GABPA: variants seen among roughly 807,000 people sequenced by gnomAD.
The protein encoded by GABPA is GA-binding protein alpha chain.
In GABPA, 4 loss-of-function variants were observed where a neutral mutation model predicts 59.4. The ratio of observed to expected loss-of-function variants is 0.07; its 90% CI spans 0.03 to 0.15. The LOEUF is 0.15. GABPA is among the 10% of genes least tolerant of loss of function. GABPA has a pLI of 1.00. For synonymous variants in GABPA, 164 were observed against 183.1 expected (o/e 0.90, Z 0.84); for missense variants, 251 against 543.8 (o/e 0.46, Z 5.36).
intron 1 of GABPA, among the ~76,000 whole-genome samples, chr21:25,738,236 C>G (rs2035131282): frequency 6.6e-6 from 1 of 152,200 alleles, no homozygotes; most frequent in African/African-American, 2.4e-5. Context: ...CCCCTGCCCC[C>G]AACACACACA....
intron 1 of GABPA, among the ~76,000 whole-genome samples, chr21:25,735,854 CG>C (rs2035035277): frequency 6.6e-6 from 1 of 152,054 alleles, no homozygotes; most frequent in Non-Finnish European, 1.5e-5. Flanking sequence ...CCGGACGGGT[CG>C]CCTGTCGCCG....
Position 25,752,243 on chromosome 21 carries a change from A to T in GABPA, c.553+9A>T. 1 of 1,613,034 alleles carries T rather than the reference A, an allele frequency of 6.2e-7. No homozygotes were observed. The highest frequency in any genetic ancestry group is 8.5e-7 in the Non-Finnish European group (1 of 1,179,350). ...CCTTGGGATACCCTATGGTAATAAAATGCATAATTCTATATTGGGTAGAAT... is the reference window on the plus strand; with the variant it reads ...CCTTGGGATACCCTATGGTAATAAATTGCATAATTCTATATTGGGTAGAAT... On this transcript the variant is annotated intron_variant, in intron 5 of 9. Transcript: ENST00000400075.
intron 6 of GABPA, among the ~76,000 whole-genome samples, chr21:25,761,348 A>C (rs188574423): frequency 1.8e-4 from 28 of 152,306 alleles, no homozygotes. Flanking sequence ...TATAGTCAGT[A>C]AGAGCTAAGA....
chr21:25,766,485 C>G (rs1352208963), intron 9 of GABPA, among the ~76,000 whole-genome samples: 1 of 151,954 alleles, frequency 6.6e-6, no homozygotes, highest in Non-Finnish European at 1.5e-5. Flanking sequence ...ACAGAAGTAT[C>G]TAGAATATCT....
Position 25,769,485 on chromosome 21 carries a change from T to C in GABPA, c.*253T>C. ...AAGGCAGGTTCATTGTGGAATAGTT[T>C]AACAGTCAGGAAGGCTAAACTGGTC... On this transcript the variant is annotated 3_prime_UTR_variant, in exon 10 of 10. Coordinates refer to ENST00000400075, the MANE Select transcript of GABPA (RefSeq NM_002040.4). The C allele has an allele frequency of 2.5e-6, 1 of 395,574 alleles. No individual in the cohort carries two copies. Among genetic ancestry groups the C allele is most frequent in the Non-Finnish European group, 4.6e-6 (1 of 215,688 alleles). The allele number at this position is 395,574 out of a possible 1,614,324, so 24.5% of individuals were successfully genotyped here. A position where few individuals can be genotyped will look rare whatever the true frequency, so the allele number is the denominator to read the frequency against.
rs185936311 is a variant in GABPA, at chr21:25,757,148, A to G, written c.554-862A>G. 5.1e-3 allele frequency among the ~76,000 whole-genome samples: 782 copies of G among 152,266 alleles called. 8 individuals are homozygous for G. Among genetic ancestry groups the G allele is most frequent in the African/African-American group, 0.018 (728 of 41,554 alleles). The stretch of plus-strand genomic sequence containing the variant: ...ATTGAATAGCATTTATTTATTGGGT[A>G]TATAACCAATATTATTTGAATAGAT... On this transcript the variant is annotated intron_variant, in intron 5 of 9. Coordinates refer to ENST00000400075, the MANE Select transcript of GABPA (RefSeq NM_002040.4).
At chr21:25,747,210 T>A (rs1233705280) in intron 3 of GABPA, among the ~76,000 whole-genome samples, 1 of 152,244 alleles carries the variant, frequency 6.6e-6, no homozygotes, top group African/African-American at 2.4e-5. Context: ...AAAACTTTTT[T>A]AAAGGTTTAT....
rs754641872 is a variant in GABPA at position 25,758,207 on chromosome 21, A to G, written c.748+3A>G. 10 of 1,570,322 alleles carry G rather than the reference A, an allele frequency of 6.4e-6. No individual in the cohort carries two copies. Among genetic ancestry groups the G allele is most frequent in the Admixed American group, 5.7e-5 (3 of 52,870 alleles). On this transcript the variant is annotated splice_donor_region_variant and intron_variant, in intron 6 of 9. Transcript: ENST00000400075. Reference sequence around the variant, plus strand: ...TCATCTGGAACTTCTCCGAAAATGTATGAAATTACAGTTATTTCTTTACAT... The same window carrying G: ...TCATCTGGAACTTCTCCGAAAATGTGTGAAATTACAGTTATTTCTTTACAT...
chr21:25,768,425 G>A (rs980707849), intron 9 of GABPA, among the ~76,000 whole-genome samples: 3 of 151,920 alleles, frequency 2.0e-5, no homozygotes, highest in South Asian at 2.1e-4. Context: ...AAAAGAAGTG[G>A]AATATATGTA....
At chr21:25,768,136 A>G (rs968991605) in intron 9 of GABPA, among the ~76,000 whole-genome samples, 1 of 152,054 alleles carries the variant, frequency 6.6e-6, no homozygotes, top group African/African-American at 2.4e-5. Context: ...TCCAAAGGAA[A>G]CATAAATCCA....
intron 1 of GABPA, among the ~76,000 whole-genome samples, chr21:25,740,787 A>G (rs71649666): frequency 0.012 from 1,901 of 152,310 alleles, 50 homozygotes; most frequent in African/African-American, 0.044. Flanking sequence ...GTTTTATAAT[A>G]TTCTTGCATT....
chr21:25,736,005 C>T (rs2035044847), intron 1 of GABPA, among the ~76,000 whole-genome samples: 1 of 152,120 alleles, frequency 6.6e-6, no homozygotes, highest in African/African-American at 2.4e-5. Context: ...CTCAGCGATT[C>T]ACTCATTTCA....
chr21:25,746,973 T>A (rs1293897782), intron 3 of GABPA, among the ~76,000 whole-genome samples: 2 of 152,222 alleles, frequency 1.3e-5, no homozygotes, highest in Non-Finnish European at 2.9e-5. Context: ...ATGGGCAAGG[T>A]ACGTTGAGTG....
At position 25,735,312 on chromosome 21, in the gene GABPA, T is replaced by G; in HGVS notation, c.-293T>G. On this transcript the variant is annotated 5_prime_UTR_variant, in exon 1 of 10. Transcript: ENST00000400075. ...CGGATTGGGGCGTTGTGCTTCCTTG[T>G]ACCTCGTGAGCCTCCGTTGCCTTGG... is the stretch of plus-strand genomic sequence containing the variant. 3 of 292,344 alleles carry G rather than the reference T, an allele frequency of 1.0e-5. No individual in the cohort carries two copies. Among genetic ancestry groups the G allele is most frequent in the Non-Finnish European group, 1.3e-5 (2 of 152,230 alleles). 18.1% of individuals were successfully genotyped at this position (292,344 alleles called of 1,614,324 possible).
At chr21:25,754,809 T>C (rs2035594716) in intron 5 of GABPA, among the ~76,000 whole-genome samples, 1 of 152,190 alleles carries the variant, frequency 6.6e-6, no homozygotes, top group Admixed American at 6.5e-5. Flanking sequence ...CCCAGCACTT[T>C]GGGAGGCTGA....
intron 2 of GABPA, among the ~76,000 whole-genome samples, chr21:25,742,540 AAG>A (rs2035247951): frequency 6.6e-6 from 1 of 152,282 alleles, no homozygotes; most frequent in East Asian, 1.9e-4. Flanking sequence ...CAGCATAAGA[AAG>A]AGGGAATGCA....
chr21:25,750,077 C>T (rs2035470089), intron 4 of GABPA, among the ~76,000 whole-genome samples: 1 of 152,154 alleles, frequency 6.6e-6, no homozygotes, highest in Non-Finnish European at 1.5e-5. Context: ...TGCAACTAGA[C>T]AGTTTCATCT....
At chr21:25,763,071 A>T in intron 7 of GABPA, 1 of 393,218 alleles carries the variant, frequency 2.5e-6, no homozygotes, top group Non-Finnish European at 4.9e-6. Flanking sequence ...CTAGAAGTAC[A>T]GTCTAGAAGA....
Position 25,762,358 on chromosome 21 carries a change from T to C in GABPA, c.795T>C (p.Ile265=). The C allele has an allele frequency of 6.4e-7, 1 of 1,573,292 alleles. No individual in the cohort carries two copies. The highest frequency in any genetic ancestry group is 1.2e-5 in the South Asian group (1 of 83,054). The change falls in exon 7 of 10, where the codon ATT becomes ATC. Residue 265 remains isoleucine (I), a synonymous_variant. Coordinates refer to ENST00000400075, the MANE Select transcript of GABPA (RefSeq NM_002040.4). ...AACAGATGAATGAAATAGTTACAAT[T>C]GATCAACGTGAGTATTTGTACCTAT... ...QEQQMNEIVT[I]DQPVQIIPAS...
Sources: gnomAD v4.1 joint callset for allele counts (sites outside exome capture counted in the v4.1 genomes callset) on GRCh38, gnomAD v4.1.1 for gene constraint, MANE v1.5 for transcripts, NCBI Gene and HGNC (gene_info 2026-07-23, HGNC 2026-07-21) for gene names.